ZBED4: variants seen among roughly 807,000 people sequenced by gnomAD.
The protein encoded by ZBED4 is zinc finger BED-type containing 4, also known as zinc finger BED domain-containing protein 4.
In ZBED4, 4 loss-of-function variants were observed where a neutral mutation model predicts 15.5. The ratio of observed to expected loss-of-function variants is 0.26; its 90% confidence interval spans 0.13 to 0.59. The LOEUF is 0.59. ZBED4 is among the 20% of genes least tolerant of loss of function. The pLI is 0.90. For synonymous variants in ZBED4, 692 were observed against 608.5 expected, an observed-to-expected ratio of 1.14 and a Z score of -2.02; for missense variants, 1,323 against 1,461.8, an observed-to-expected ratio of 0.91 and a Z score of 1.55.
chr22:49,884,709 G>C lies in ZBED4; in HGVS notation c.1047G>C (p.Pro349=), dbSNP rs138332752. 196 of 1,598,150 alleles carry C rather than the reference G, an allele frequency of 1.2e-4. No individual in the cohort carries two copies. In the African/African-American group the frequency reaches 2.5e-3, roughly 20 times the overall value. Residue 349 remains proline (P), a synonymous_variant, in exon 2 of 2, where the codon CCG becomes CCC. Transcript: ENST00000216268. ...AGGAGAACGGGGGCACGGGCATCCC[G>C]CCACTGTACTCCACCCCTCCCACTC... ...VLQENGGTGI[P]PLYSTPPTLL...
chr22:49,884,841 G>A lies in ZBED4; in HGVS notation c.1179G>A (p.Leu393=), dbSNP rs778757442. 8 of 1,610,488 alleles carry A rather than the reference G, an allele frequency of 5.0e-6. No individual in the cohort carries two copies. Among genetic ancestry groups the A allele is most frequent in the Non-Finnish European group, 6.8e-6 (8 of 1,177,452 alleles). The change falls in exon 2 of 2, where the codon CTG becomes CTA. Residue 393 remains leucine (L), a synonymous_variant. Coordinates refer to ENST00000216268, the MANE Select transcript of ZBED4 (RefSeq NM_014838.3). The stretch of plus-strand genomic sequence containing the variant: ...CGGCCTCCTCCTCCCCTGACAGGCT[G>A]ACTGAGGACTTGCAGTCTCACTTGA... ...SPSASSSPDR[L]TEDLQSHLNP... is the part of the protein sequence containing the mutation.
intron 1 of ZBED4, among the ~76,000 whole-genome samples, chr22:49,875,944 CT>C (rs56100344): frequency 2.0e-5 from 3 of 146,688 alleles, no homozygotes; most frequent in African/African-American, 5.0e-5. Context: ...GATTTTTTTT[CT>C]TTTTTTTTTA....
At chr22:49,873,720 C>T (rs1474870274) in intron 1 of ZBED4, among the ~76,000 whole-genome samples, 1 of 152,180 alleles carries the variant, frequency 6.6e-6, no homozygotes, top group Non-Finnish European at 1.5e-5. Flanking sequence ...GTCTTCCCAC[C>T]TCATCACCCC....
chr22:49,873,755 C>G (rs1569160768), intron 1 of ZBED4, among the ~76,000 whole-genome samples: 1 of 152,194 alleles, frequency 6.6e-6, no homozygotes, highest in African/African-American at 2.4e-5. Flanking sequence ...AAGAAAGGCT[C>G]AGAGAGAGTC....
intron 1 of ZBED4, among the ~76,000 whole-genome samples, chr22:49,882,517 G>C (rs1344827658): frequency 1.3e-5 from 2 of 152,212 alleles, no homozygotes; most frequent in Non-Finnish European, 2.9e-5. Context: ...CTTGGTTTTA[G>C]TTCCTTAGTA....
rs138733495 is a variant in ZBED4, at chr22:49,883,839, G to A, written c.177G>A (p.Ala59=). 1,151 of 1,610,516 alleles carry A rather than the reference G, an allele frequency of 7.1e-4. 9 individuals carry two copies. In the African/African-American group the frequency reaches 0.013, roughly 19 times the overall value. Residue 59 remains alanine, a synonymous_variant, in exon 2 of 2, where the codon GCG becomes GCA. Coordinates refer to ENST00000216268, the MANE Select transcript of ZBED4 (RefSeq NM_014838.3). ...AGACAGACAGCGGTGGGGAGCGAGCGGGCCTCGGTGGGACGGGTTGCAGCT... is the reference window on the plus strand; with the variant it reads ...AGACAGACAGCGGTGGGGAGCGAGCAGGCCTCGGTGGGACGGGTTGCAGCT... ...MKQTDSGGER[A]GLGGTGCSCK...
upstream of ZBED4, chr22:49,853,774 AGGCCCCGCCCCCGATC>A (rs1016528721): frequency 2.7e-5 from 4 of 146,790 alleles, no homozygotes; most frequent in Non-Finnish European, 4.5e-5. Flanking sequence ...CTGCGAGAGT[AGGCCCCGCCCCCGATC>A]GGCCCCGCCC....
intron 1 of ZBED4, among the ~76,000 whole-genome samples, chr22:49,861,866 G>A (rs2060298772): frequency 6.6e-6 from 1 of 152,198 alleles, no homozygotes; most frequent in Non-Finnish European, 1.5e-5. Context: ...TGTTTCTGGT[G>A]AGGACTGTCT....
Position 49,885,308 on chromosome 22 carries a change from A to G in ZBED4, c.1646A>G (p.Asn549Ser), listed in dbSNP as rs201721474. Residue 549 changes from asparagine (N) to serine (S), a missense_variant, in exon 2 of 2, where the codon AAT becomes AGT. Around this residue, in one of 6 missense-constraint regions of ZBED4, gnomAD observed 429 missense variants for 397.9 expected, o/e 1.08. Transcript: ENST00000216268. ...TDLPTVVTKN[N>S]QVMFPVNSKK... ...TTGCCAACAGTGGTCACAAAAAACA[A>G]TCAAGTTATGTTTCCTGTTAATAGC... 1.9e-6 allele frequency: 3 copies of G among 1,593,572 alleles called. No homozygotes were observed. In the East Asian group the frequency reaches 6.7e-5, roughly 36 times the overall value.
rs1266897761 is a variant in ZBED4 at position 49,865,407 on chromosome 22, C to T, written c.-330+11418C>T. Among the ~76,000 whole-genome samples, 4 of 151,960 alleles carry T rather than the reference C, an allele frequency of 2.6e-5. No homozygotes were observed. In the East Asian group the frequency reaches 7.8e-4, roughly 29 times the overall value. On this transcript the variant is annotated intron_variant, in intron 1 of 1. Transcript: ENST00000216268. The stretch of plus-strand genomic sequence containing the variant: ...GCTCACGCCTCTAATCCCAGCACTT[C>T]GGGGGCTAAGGCGGGCGGAACTCCT...
At chr22:49,865,376 G>T (rs1008108491) in intron 1 of ZBED4, among the ~76,000 whole-genome samples, 2 of 152,062 alleles carry the variant, frequency 1.3e-5, no homozygotes, top group Non-Finnish European at 2.9e-5. Context: ...GGGGCCGGGC[G>T]CAGTGGCTCA....
At chr22:49,873,520 G>C (rs2147524617) in intron 1 of ZBED4, among the ~76,000 whole-genome samples, 1 of 152,302 alleles carries the variant, frequency 6.6e-6, no homozygotes, top group South Asian at 2.1e-4. Flanking sequence ...CATGATAATG[G>C]AAAAGTGTGA....
At chr22:49,854,342 C>T (rs1350546047) in intron 1 of ZBED4, among the ~76,000 whole-genome samples, 3 of 151,528 alleles carry the variant, frequency 2.0e-5, no homozygotes, top group African/African-American at 4.8e-5. Context: ...GCGCGCTGTC[C>T]CGGCCACGTC....
At chr22:49,853,186 C>T (rs1185954414), upstream of ZBED4, 1 of 152,318 alleles carries the variant, frequency 6.6e-6, no homozygotes, top group African/African-American at 2.4e-5. Flanking sequence ...ATTAAAAGTG[C>T]ACATTTCCTT....
rs1333569778 is a variant in ZBED4 at position 49,889,532 on chromosome 22, ACAGT to A, written c.*2359_*2362del. 6.0e-6 allele frequency: 1 copy of A among 167,164 alleles called. No individual in the cohort carries two copies. Among genetic ancestry groups the A allele is most frequent in the African/African-American group, 2.4e-5 (1 of 41,428 alleles). The allele number at this position is 167,164 out of a possible 1,614,324, so 10.4% of individuals were successfully genotyped here. On this transcript the variant is annotated 3_prime_UTR_variant, in exon 2 of 2. Coordinates refer to ENST00000216268, the MANE Select transcript of ZBED4 (RefSeq NM_014838.3). ...ATTTTTAGTTGAAGTGTTCTGAGTAACAGTCAGTGTATAAAAGGGGATTGCAGAA... is the reference window on the plus strand; with the variant it reads ...ATTTTTAGTTGAAGTGTTCTGAGTAACAGTGTATAAAAGGGGATTGCAGAA...
rs754263155 is a variant in ZBED4 at position 49,884,804 on chromosome 22, G to T, written c.1142G>T (p.Arg381Ile). ...TCCTCGTCTCCAGTAAAGCCGGTCA[G>T]AGAGTCCCCTTCGGCCTCCTCCTCC... The part of the protein sequence containing the change: ...SVSSSPVKPV[R>I]ESPSASSSPD... The change falls in exon 2 of 2, where the codon AGA becomes ATA. Residue 381 changes from arginine (R) to isoleucine (I), a missense_variant. Arg to Ile is a moderately conservative substitution (Grantham distance 97). Around this residue, in one of 6 missense-constraint regions of ZBED4, gnomAD observed 429 missense variants for 397.9 expected, o/e 1.08. Transcript: ENST00000216268. 4.3e-6 allele frequency: 7 copies of T among 1,610,108 alleles called. No individual in the cohort carries two copies. Among genetic ancestry groups the T allele is most frequent in the Non-Finnish European group, 5.9e-6 (7 of 1,177,068 alleles).
rs1323234293 is a variant in ZBED4, at chr22:49,889,922, G to A, written c.*2744G>A. ...TTAGGCAGGTTCCTTAATTTCTCAGGTCTGTCTCAGATAATAAAAAGCTCT... is the reference window on the plus strand; with the variant it reads ...TTAGGCAGGTTCCTTAATTTCTCAGATCTGTCTCAGATAATAAAAAGCTCT... On this transcript the variant is annotated 3_prime_UTR_variant, in exon 2 of 2. Coordinates refer to ENST00000216268, the MANE Select transcript of ZBED4 (RefSeq NM_014838.3). 1.8e-5 allele frequency: 3 copies of A among 167,066 alleles called. No homozygotes were observed. Among genetic ancestry groups the A allele is most frequent in the African/African-American group, 7.2e-5 (3 of 41,504 alleles). The allele number at this position is 167,066 out of a possible 1,614,324, so 10.3% of individuals were successfully genotyped here.
intron 1 of ZBED4, among the ~76,000 whole-genome samples, chr22:49,863,896 T>C (rs944847467): frequency 6.6e-6 from 1 of 152,264 alleles, no homozygotes; most frequent in Non-Finnish European, 1.5e-5. Flanking sequence ...TGTTAAATTC[T>C]GTCCTCTTTG....
chr22:49,877,093 GTAAA>G (rs777205508), intron 1 of ZBED4, among the ~76,000 whole-genome samples: 7 of 152,094 alleles, frequency 4.6e-5, no homozygotes, highest in Non-Finnish European at 8.8e-5. Flanking sequence ...TTATGTAAAA[GTAAA>G]TGAACGCTGG....
Sources: gnomAD v4.1 joint callset for allele counts (sites outside exome capture counted in the v4.1 genomes callset) on GRCh38, gnomAD v4.1.1 for gene constraint, gnomAD v4.1.1 regional missense constraint, MANE v1.5 for transcripts, NCBI Gene and HGNC (gene_info 2026-07-23, HGNC 2026-07-21) for gene names.